The following ALOX5AP variants were observed in gnomAD, a reference collection of about 807,000 sequenced individuals.
ALOX5AP encodes arachidonate 5-lipoxygenase activating protein.
Under a neutral mutation model 18.5 loss-of-function variants are expected in ALOX5AP, and 9 were observed. That is an observed-to-expected ratio of 0.49 (90% CI 0.29 to 0.85). ALOX5AP has a LOEUF of 0.85. ALOX5AP is among the 40% of genes least tolerant of loss of function. The probability of loss-of-function intolerance (pLI) is 0.08; values close to 1 mark genes in which losing one functional copy is unlikely to be tolerated. For missense variants in ALOX5AP, 172 were observed against 202.5 expected, an observed-to-expected ratio of 0.85 and a Z score of 0.91; for synonymous variants, 81 against 78.6, an observed-to-expected ratio of 1.03 and a Z score of -0.16.
Position 30,759,752 on chromosome 13 carries a change from G to A in ALOX5AP, c.323+3727G>A, listed in dbSNP as rs79497396. ...AGAAACATTCTTCTTTTGGAAGGCC[G>A]GGGAGCATAGATGGATATCAAGGCT... On this transcript the variant is annotated intron_variant, in intron 4 of 4. Transcript: ENST00000380490. 9.9e-4 allele frequency among the ~76,000 whole-genome samples: 150 copies of A among 152,246 alleles called. 3 individuals are homozygous for A. In the East Asian group the frequency reaches 0.025, roughly 25 times the overall value.
chr13:30,745,752 G>A (rs1951804091), intron 2 of ALOX5AP, among the ~76,000 whole-genome samples: 2 of 152,172 alleles, frequency 1.3e-5, no homozygotes, highest in Admixed American at 6.5e-5. Flanking sequence ...CTAGAGTCCC[G>A]CCTTGGACAC....
chr13:30,738,818 C>T (rs2137805757), intron 1 of ALOX5AP, among the ~76,000 whole-genome samples: 1 of 152,258 alleles, frequency 6.6e-6, no homozygotes, highest in South Asian at 2.1e-4. Context: ...GGCCTCTTTC[C>T]CCCAAGAGAG....
At chr13:30,743,250 T>C (rs1482651211) in intron 1 of ALOX5AP, among the ~76,000 whole-genome samples, 4 of 152,068 alleles carry the variant, frequency 2.6e-5, no homozygotes. Context: ...AACGGCCCCT[T>C]ACCATGCTCT....
intron 1 of ALOX5AP, among the ~76,000 whole-genome samples, chr13:30,722,722 G>A (rs1367560464): frequency 2.6e-5 from 4 of 152,236 alleles, no homozygotes; most frequent in African/African-American, 9.6e-5. Context: ...CTAGTAGGAG[G>A]TGTTTTGGTC....
At chr13:30,733,983 G>T (rs2137800238), upstream of ALOX5AP, among the ~76,000 whole-genome samples, 1 of 152,302 alleles carries the variant, frequency 6.6e-6, no homozygotes, top group East Asian at 1.9e-4. Flanking sequence ...GCCTTTGAAT[G>T]CAGACTGGTC....
chr13:30,715,696 G>A (rs896224053), intron 1 of ALOX5AP, among the ~76,000 whole-genome samples: 1 of 152,186 alleles, frequency 6.6e-6, no homozygotes, highest in Admixed American at 6.5e-5. Context: ...TTTCCCATGA[G>A]GATATGTTCA....
intron 4 of ALOX5AP, among the ~76,000 whole-genome samples, chr13:30,759,204 C>G (rs1378617646): frequency 6.6e-6 from 1 of 152,176 alleles, no homozygotes; most frequent in Admixed American, 6.5e-5. Flanking sequence ...TGGCAACTGA[C>G]TCTTGGTCTT....
intron 1 of ALOX5AP, among the ~76,000 whole-genome samples, chr13:30,719,331 A>C (rs74568693): frequency 2.6e-5 from 4 of 152,226 alleles, no homozygotes; most frequent in Non-Finnish European, 5.9e-5. Context: ...GCTTCATTGC[A>C]TGCACATGGT....
intron 2 of ALOX5AP, among the ~76,000 whole-genome samples, chr13:30,746,678 G>A (rs9506352): frequency 0.23 from 35,435 of 152,172 alleles, 5,193 homozygotes; most frequent in Non-Finnish European, 0.32. Context: ...GCACTGAAAA[G>A]GGTTGCAAGA....
At chr13:30,752,189 G>C (rs561279124) in intron 3 of ALOX5AP, 67 bp downstream of exon 3, 1 of 1,539,944 alleles carries the variant, frequency 6.5e-7, no homozygotes, top group East Asian at 2.3e-5. Context: ...TCAAAGGGCA[G>C]GCTTTTTGTT....
At chr13:30,757,769 A>G (rs1951908269) in intron 4 of ALOX5AP, among the ~76,000 whole-genome samples, 1 of 152,146 alleles carries the variant, frequency 6.6e-6, no homozygotes, top group Non-Finnish European at 1.5e-5. Context: ...TGTCCTTTTA[A>G]CTTTAAAGGC....
chr13:30,734,265 C>T (rs867288864), upstream of ALOX5AP, among the ~76,000 whole-genome samples: 5 of 152,144 alleles, frequency 3.3e-5, no homozygotes, highest in Non-Finnish European at 1.5e-5. Context: ...CAACTCTGCA[C>T]GCTGCCTTCA....
At chr13:30,734,267 C>A (rs896870241), upstream of ALOX5AP, among the ~76,000 whole-genome samples, 1 of 152,190 alleles carries the variant, frequency 6.6e-6, no homozygotes, top group Non-Finnish European at 1.5e-5. Flanking sequence ...ACTCTGCACG[C>A]TGCCTTCATC....
chr13:30,746,000 T>C (rs983237530), intron 2 of ALOX5AP, among the ~76,000 whole-genome samples: 2 of 152,206 alleles, frequency 1.3e-5, no homozygotes, highest in African/African-American at 4.8e-5. Flanking sequence ...AAGTTTCCAA[T>C]TTGCTGGCAA....
At chr13:30,714,593 G>T (rs1322795972) in intron 1 of ALOX5AP, among the ~76,000 whole-genome samples, 1 of 133,216 alleles carries the variant, frequency 7.5e-6, no homozygotes. Context: ...GGTGGGAGGT[G>T]GGGGGTGGGG....
At chr13:30,754,407 C>T (rs1951875765) in intron 3 of ALOX5AP, among the ~76,000 whole-genome samples, 1 of 152,160 alleles carries the variant, frequency 6.6e-6, no homozygotes, top group South Asian at 2.1e-4. Context: ...GGCAGTTACT[C>T]AGCTTTTCCA....
At position 30,735,651 on chromosome 13, in the gene ALOX5AP, A is replaced by T; in HGVS notation, c.46A>T (p.Thr16Ser). The change falls in exon 1 of 5, where the codon ACC (threonine) becomes TCC (serine). Residue 16 changes from threonine to serine, a missense_variant. Physicochemically the swap from Thr to Ser is moderately conservative, Grantham distance 58. Transcript: ENST00000380490. ...CAATGTTGTCCTGTTGGCCATCGTCACCCTCATCAGCGTGGTCCAGAATGG... is the reference window on the plus strand; with the variant it reads ...CAATGTTGTCCTGTTGGCCATCGTCTCCCTCATCAGCGTGGTCCAGAATGG... Reference protein sequence around the residue: ...VGNVVLLAIVTLISVVQNGFF... With the variant: ...VGNVVLLAIVSLISVVQNGFF... 6.2e-7 allele frequency: 1 copy of T among 1,614,082 alleles called. No individual in the cohort carries two copies. The highest frequency in any genetic ancestry group is 8.5e-7 in the Non-Finnish European group (1 of 1,180,006).
upstream of ALOX5AP, chr13:30,735,453 A>G: frequency 7.7e-7 from 1 of 1,290,650 alleles, no homozygotes. Flanking sequence ...AAAAAAAAAA[A>G]AAAAAAGGAA....
intron 3 of ALOX5AP, among the ~76,000 whole-genome samples, chr13:30,755,029 G>A (rs148298428): frequency 6.6e-6 from 1 of 152,342 alleles, no homozygotes; most frequent in East Asian, 1.9e-4. Context: ...TTAACTCCCA[G>A]CTCCAAGCCT....
Sources: gnomAD v4.1 joint callset for allele counts (sites outside exome capture counted in the v4.1 genomes callset) on GRCh38, gnomAD v4.1.1 for gene constraint, MANE v1.5 for transcripts, NCBI Gene and HGNC (gene_info 2026-07-23, HGNC 2026-07-21) for gene names.